TET1: variants seen among roughly 807,000 people sequenced by gnomAD.
TET1 encodes the protein tet methylcytosine dioxygenase 1.
A neutral mutation model predicts 148.7 loss-of-function variants in TET1; 13 were observed. That is an observed-to-expected ratio of 0.09 (90% CI 0.06 to 0.14). The LOEUF (loss-of-function observed/expected upper bound fraction) is 0.14. Ranked by LOEUF, TET1 falls within the 10% of genes least tolerant of loss-of-function variation. The pLI is 1.00. For missense variants in TET1, 2,182 were observed against 2,553.8 expected, an observed-to-expected ratio of 0.85 and a Z score of 3.14; for synonymous variants, 907 against 937.2, an observed-to-expected ratio of 0.97 and a Z score of 0.59.
intron 2 of TET1, among the ~76,000 whole-genome samples, chr10:68,595,771 C>T (rs997789056): frequency 6.8e-6 from 1 of 147,638 alleles, no homozygotes; most frequent in Non-Finnish European, 1.5e-5. Flanking sequence ...GCAAGCGCCA[C>T]CAGGTCTGGC....
chr10:68,578,852 T>TA (rs1214012570), intron 2 of TET1, among the ~76,000 whole-genome samples: 3 of 151,696 alleles, frequency 2.0e-5, no homozygotes, highest in Admixed American at 6.6e-5. Context: ...CCCCAAAATT[T>TA]AAAAAAAAGA....
chr10:68,615,918 A>T (rs1401399396), intron 3 of TET1, among the ~76,000 whole-genome samples: 6 of 152,234 alleles, frequency 3.9e-5, no homozygotes. Flanking sequence ...AAGTGCTGGG[A>T]TTACAGGCAT....
chr10:68,644,061 C>T lies in TET1; in HGVS notation c.1969-637C>T, dbSNP rs113871608. 8.6e-3 allele frequency among the ~76,000 whole-genome samples: 1,312 copies of T among 151,832 alleles called. 10 individuals carry two copies. The highest frequency in any genetic ancestry group is 0.03 in the African/African-American group (1,255 of 41,416). ...CTGGGATTACAGGTGTGCACCACCA[C>T]GTCCTGCTAATTTTTGTATTTTTAG... On this transcript the variant is annotated intron_variant, in intron 3 of 11. Coordinates refer to ENST00000373644, the MANE Select transcript of TET1 (RefSeq NM_030625.3).
chr10:68,608,580 G>T (rs2054160509), intron 3 of TET1, among the ~76,000 whole-genome samples: 2 of 152,104 alleles, frequency 1.3e-5, no homozygotes, highest in African/African-American at 4.8e-5. Flanking sequence ...TGTCACCCAG[G>T]CAGGAGTGCA....
At chr10:68,673,586 C>T in intron 8 of TET1, 1 of 166,810 alleles carries the variant, frequency 6.0e-6, no homozygotes, top group Non-Finnish European at 1.3e-5. Context: ...AACTCCACAC[C>T]TTTATCAGCT....
intron 6 of TET1, among the ~76,000 whole-genome samples, chr10:68,656,337 A>C (rs1200868232): frequency 6.6e-6 from 1 of 152,140 alleles, no homozygotes; most frequent in Non-Finnish European, 1.5e-5. Context: ...ATCTCGGCTC[A>C]CTGCAAGCTC....
intron 3 of TET1, among the ~76,000 whole-genome samples, chr10:68,626,675 C>T (rs1342872214): frequency 1.3e-4 from 19 of 151,812 alleles, no homozygotes; most frequent in Admixed American, 3.9e-4. Flanking sequence ...CTCAGCCTCT[C>T]GAGTAGCTGG....
At chr10:68,578,346 C>T (rs187901001) in intron 2 of TET1, among the ~76,000 whole-genome samples, 73 of 152,232 alleles carry the variant, frequency 4.8e-4, no homozygotes, top group African/African-American at 1.7e-3. Context: ...GCGACCTCCA[C>T]CTCCCGGGTT....
chr10:68,677,970 ACT>A (rs2055383952), intron 8 of TET1, among the ~76,000 whole-genome samples: 1 of 151,212 alleles, frequency 6.6e-6, no homozygotes, highest in African/African-American at 2.4e-5. Context: ...AAGGGTTCTC[ACT>A]CTGTCACCCA....
At chr10:68,604,988 A>G (rs1564963379) in intron 3 of TET1, among the ~76,000 whole-genome samples, 1 of 152,242 alleles carries the variant, frequency 6.6e-6, no homozygotes, top group Non-Finnish European at 1.5e-5. Context: ...CTATTTAATT[A>G]TAAAATATCA....
chr10:68,583,833 C>T (rs2053828993), intron 2 of TET1, among the ~76,000 whole-genome samples: 1 of 151,670 alleles, frequency 6.6e-6, no homozygotes, highest in Non-Finnish European at 1.5e-5. Flanking sequence ...ATCGCTTGAA[C>T]CTGGGAGGCG....
chr10:68,566,371 G>C (rs919875919), intron 1 of TET1, among the ~76,000 whole-genome samples: 9 of 152,144 alleles, frequency 5.9e-5, no homozygotes, highest in Non-Finnish European at 1.0e-4. Context: ...TTGACTTTTT[G>C]GAAATTGGAA....
intron 3 of TET1, among the ~76,000 whole-genome samples, chr10:68,618,924 G>T (rs1214722924): frequency 6.6e-6 from 1 of 152,068 alleles, no homozygotes; most frequent in African/African-American, 2.4e-5. Context: ...TTATGATCTT[G>T]CCACGTCACT....
chr10:68,626,655 G>T (rs1342554621), intron 3 of TET1, among the ~76,000 whole-genome samples: 1 of 151,630 alleles, frequency 6.6e-6, no homozygotes, highest in East Asian at 1.9e-4. Flanking sequence ...GGTTCAAGCA[G>T]TTCTCCTGCC....
chr10:68,637,516 T>G (rs1338793849), intron 3 of TET1, among the ~76,000 whole-genome samples: 1 of 103,960 alleles, frequency 9.6e-6, no homozygotes, highest in Non-Finnish European at 2.0e-5. Flanking sequence ...TTGTTTCCTA[T>G]TCTTTTTTTT....
chr10:68,613,959 C>A (rs1459405686), intron 3 of TET1, among the ~76,000 whole-genome samples: 1 of 149,730 alleles, frequency 6.7e-6, no homozygotes, highest in African/African-American at 2.5e-5. Context: ...AAAAAAATTG[C>A]TGTTTAAAGT....
intron 7 of TET1, among the ~76,000 whole-genome samples, chr10:68,669,623 G>A (rs10823245): frequency 0.75 from 112,815 of 150,426 alleles, 43,077 homozygotes; most frequent in East Asian, 0.83. Flanking sequence ...CAAAGTGCTG[G>A]GATTACAGGC....
At chr10:68,657,829 G>A (rs2081999116) in intron 6 of TET1, among the ~76,000 whole-genome samples, 1 of 152,058 alleles carries the variant, frequency 6.6e-6, no homozygotes, top group Admixed American at 6.6e-5. Flanking sequence ...TGTCCATGAA[G>A]GAAGGTGGGA....
At chr10:68,663,042 T>A (rs542195033) in intron 6 of TET1, among the ~76,000 whole-genome samples, 1 of 152,362 alleles carries the variant, frequency 6.6e-6, no homozygotes, top group South Asian at 2.1e-4. Context: ...AATTACCTGT[T>A]GGGTACAATG....
Sources: allele counts gnomAD v4.1 joint callset (sites outside exome capture counted in the v4.1 genomes callset), GRCh38; gene constraint gnomAD v4.1.1; transcripts MANE v1.5; gene names NCBI Gene and HGNC (gene_info 2026-07-23, HGNC 2026-07-21).